Variants in INSR observed in about 807,000 individuals in gnomAD.
The protein encoded by INSR is IR.
INSR carries 67 observed loss-of-function variants against 142.6 expected under a neutral mutation model. The ratio of observed to expected loss-of-function variants is 0.47; its 90% CI spans 0.39 to 0.58. INSR has a LOEUF of 0.58. Among genes scored for constraint, INSR ranks in the 20% least tolerant of loss-of-function variants. INSR has a pLI of 0.00. For synonymous variants in INSR, 756 were observed against 743.1 expected, an observed-to-expected ratio of 1.02 and a Z score of -0.28; for missense variants, 1,248 against 1,833.2, an observed-to-expected ratio of 0.68 and a Z score of 5.83.
intron 2 of INSR, among the ~76,000 whole-genome samples, chr19:7,230,815 A>AAT (rs1555683991): frequency 6.6e-6 from 1 of 151,592 alleles, no homozygotes; most frequent in African/African-American, 2.4e-5. Flanking sequence ...CAAAAATAAA[A>AAT]AAAAAATAAA....
rs546377927 is a variant in INSR, at chr19:7,274,975, C to CTT, written c.101-7081_101-7080dup. Among the ~76,000 whole-genome samples the CTT allele has an allele frequency of 3.3e-4, 48 of 143,478 alleles. 1 individual carries two copies. Among genetic ancestry groups the CTT allele is most frequent in the African/African-American group, 6.9e-4 (27 of 39,196 alleles). 94.1% of individuals were successfully genotyped at this position (143,478 alleles called of 152,430 possible). A position where few individuals can be genotyped will look rare whatever the true frequency, so the allele number is the denominator to read the frequency against. On this transcript the variant is annotated intron_variant, in intron 1 of 21. Transcript: ENST00000302850. ...GGTGAGCTGGTGGTGTTAGACAGCACTTTTTTTTTTTTTGGTCAGAGAGGG... is the reference window on the plus strand; with the variant it reads ...GGTGAGCTGGTGGTGTTAGACAGCACTTTTTTTTTTTTTTTGGTCAGAGAGGG...
intron 1 of INSR, among the ~76,000 whole-genome samples, chr19:7,287,159 CTTT>C (rs34457204): frequency 0.3 from 38,238 of 128,896 alleles, 5,713 homozygotes; most frequent in Middle Eastern, 0.4. Context: ...CAAAAATATT[CTTT>C]TTTTTTTTTT....
At chr19:7,280,916 A>G (rs1968189921) in intron 1 of INSR, among the ~76,000 whole-genome samples, 1 of 152,020 alleles carries the variant, frequency 6.6e-6, no homozygotes, top group Non-Finnish European at 1.5e-5. Context: ...AAGAAAAAAG[A>G]AAGAAAGAGG....
chr19:7,263,227 TGAG>T (rs1977118939), intron 2 of INSR, among the ~76,000 whole-genome samples: 1 of 151,116 alleles, frequency 6.6e-6, no homozygotes, highest in African/African-American at 2.4e-5. Flanking sequence ...TGCAGTGAGC[TGAG>T]ATCACACCAC....
intron 2 of INSR, among the ~76,000 whole-genome samples, chr19:7,230,172 C>A (rs1975926339): frequency 6.6e-6 from 1 of 152,016 alleles, no homozygotes; most frequent in Admixed American, 6.6e-5. Flanking sequence ...GGACAGAAGG[C>A]ACAGGTCAAT....
rs150568177 is a variant in INSR at position 7,184,603 on chromosome 19, G to C, written c.687C>G (p.Thr229=). Residue 229 remains threonine, a synonymous_variant, in exon 3 of 22, where the codon ACC becomes ACG. Transcript: ENST00000302850. ...CGCTGTGGCAACAGAGGCCTTCGGCGGTGCAGCCGTGTGACTTACAGATGG... is the reference window on the plus strand; with the variant it reads ...CGCTGTGGCAACAGAGGCCTTCGGCCGTGCAGCCGTGTGACTTACAGATGG... The part of the protein sequence containing the change: ...CPTICKSHGC[T]AEGLCCHSEC... The C allele has an allele frequency of 2.5e-6, 4 of 1,612,476 alleles. No homozygotes were observed. The South Asian group carries it at 4.4e-5, about 18-fold the overall frequency.
intron 6 of INSR, among the ~76,000 whole-genome samples, chr19:7,170,302 G>T (rs1276189669): frequency 2.6e-5 from 4 of 151,600 alleles, no homozygotes; most frequent in African/African-American, 7.3e-5. Flanking sequence ...CCCCAGCTGG[G>T]ACCATCTAGT....
chr19:7,153,013 CCACACA>C (rs376413835), intron 9 of INSR, 86 bp from the exon 10 acceptor site: 1 of 544,500 alleles, frequency 1.8e-6, no homozygotes, highest in East Asian at 3.3e-5. Context: ...CACACACACA[CCACACA>C]CACACACCAC....
intron 3 of INSR, among the ~76,000 whole-genome samples, chr19:7,178,705 T>C (rs1190850458): frequency 6.6e-6 from 1 of 151,424 alleles, no homozygotes; most frequent in Admixed American, 6.6e-5. Context: ...GGTGACAGAG[T>C]GAGACTCCGT....
intron 2 of INSR, among the ~76,000 whole-genome samples, chr19:7,198,395 G>A (rs1299769650): frequency 1.3e-5 from 2 of 152,152 alleles, no homozygotes. Flanking sequence ...GGTCGAGTCT[G>A]CCACGGATGG....
chr19:7,130,752 C>T (rs1972755925), intron 14 of INSR, among the ~76,000 whole-genome samples: 4 of 151,676 alleles, frequency 2.6e-5, no homozygotes, highest in South Asian at 2.1e-4. Context: ...TACTGAGTCC[C>T]AGTCTCAGAC....
chr19:7,187,113 A>G (rs1974452496), intron 2 of INSR, among the ~76,000 whole-genome samples: 1 of 148,388 alleles, frequency 6.7e-6, no homozygotes, highest in Non-Finnish European at 1.5e-5. Flanking sequence ...ATGGAGTCTC[A>G]CTCTGTCACT....
In INSR at chr19:7,214,581, G is replaced by A. The variant is rs116537844; in HGVS notation, c.653-29944C>T. ...TCCACGTGAGAGATTTCAACACAGC[G>A]TTTGGAGGTTTTAAACCTCTATCAT... On this transcript the variant is annotated intron_variant, in intron 2 of 21. Coordinates refer to ENST00000302850, the MANE Select transcript of INSR (RefSeq NM_000208.4). Among the ~76,000 whole-genome samples, 455 of 152,270 alleles carry A rather than the reference G, an allele frequency of 3.0e-3. 7 individuals carry two copies. The highest frequency in any genetic ancestry group is 0.011 in the African/African-American group (437 of 41,548).
chr19:7,121,980 T>C (rs892721374), intron 19 of INSR, among the ~76,000 whole-genome samples: 1 of 151,698 alleles, frequency 6.6e-6, no homozygotes, highest in Non-Finnish European at 1.5e-5. Context: ...CCGTCTCTAC[T>C]AAAAATACAA....
intron 2 of INSR, among the ~76,000 whole-genome samples, chr19:7,229,559 T>G (rs1489463342): frequency 2.0e-5 from 3 of 152,138 alleles, no homozygotes; most frequent in Non-Finnish European, 4.4e-5. Flanking sequence ...GCCAAGGTGC[T>G]CCTTCTCTCC....
intron 1 of INSR, among the ~76,000 whole-genome samples, chr19:7,283,772 G>T (rs540760460): frequency 6.6e-6 from 1 of 152,206 alleles, no homozygotes; most frequent in South Asian, 2.1e-4. Flanking sequence ...TCTTGTTATT[G>T]GTGGTAGTTT....
chr19:7,279,485 G>A (rs150996883), intron 1 of INSR, among the ~76,000 whole-genome samples: 1 of 149,378 alleles, frequency 6.7e-6, no homozygotes, highest in East Asian at 2.0e-4. Context: ...CAATGAGCCT[G>A]AAGCATTCGA....
At chr19:7,172,643 G>A (rs1041744317) in intron 4 of INSR, among the ~76,000 whole-genome samples, 2 of 152,230 alleles carry the variant, frequency 1.3e-5, no homozygotes, top group South Asian at 2.1e-4. Flanking sequence ...CACTGGCTGC[G>A]TCTGTTGCTC....
At position 7,168,848 on chromosome 19, in the gene INSR, C is replaced by A. The variant is rs1478091324; in HGVS notation, c.1484-754G>T. 6.6e-6 allele frequency among the ~76,000 whole-genome samples: 1 copy of A among 152,164 alleles called. No homozygotes were observed. The highest frequency in any genetic ancestry group is 1.5e-5 in the Non-Finnish European group (1 of 68,014). On this transcript the variant is annotated intron_variant, in intron 6 of 21. Transcript: ENST00000302850. The surrounding 1 kb of genome is among the most constrained non-coding windows in gnomAD (Gnocchi z 4.3). ...CGAACTCCTGACCTCAAGTGATCTGCCTGCCTCGGCCTCCCAGAGTGCTGG... is the reference window on the plus strand; with the variant it reads ...CGAACTCCTGACCTCAAGTGATCTGACTGCCTCGGCCTCCCAGAGTGCTGG...
Sources: allele counts gnomAD v4.1 joint callset (sites outside exome capture counted in the v4.1 genomes callset), GRCh38; gene constraint gnomAD v4.1.1; non-coding constraint Gnocchi (gnomAD v3.1); transcripts MANE v1.5; gene names NCBI Gene and HGNC (gene_info 2026-07-23, HGNC 2026-07-21).